SNX20: variants seen among roughly 807,000 people sequenced by gnomAD.
SNX20 encodes sorting nexin-20.
Under a neutral mutation model 24.5 loss-of-function variants are expected in SNX20, and 21 were observed. The ratio of observed to expected loss-of-function variants is 0.86; its 90% CI spans 0.61 to 1.23. The LOEUF is 1.23. Ranked by LOEUF, SNX20 falls within the 50% of genes most tolerant of loss-of-function variation. The pLI is 0.00. For synonymous variants in SNX20, 206 were observed against 192.8 expected (o/e 1.07, Z -0.57); for missense variants, 433 against 430.8 (o/e 1.00, Z -0.04).
intron 1 of SNX20, among the ~76,000 whole-genome samples, chr16:50,679,888 C>T (rs1963260516): frequency 6.6e-6 from 1 of 152,198 alleles, no homozygotes; most frequent in African/African-American, 2.4e-5. Flanking sequence ...GCCTTGGCCT[C>T]AGGGGCCCCA....
Position 50,671,916 on chromosome 16 carries a change from G to T in SNX20, c.*1490C>A, listed in dbSNP as rs1963058773. 6.6e-6 allele frequency: 1 copy of T among 152,232 alleles called. No homozygotes were observed. Among genetic ancestry groups the T allele is most frequent in the African/African-American group, 2.4e-5 (1 of 41,458 alleles). The allele number at this position is 152,232 out of a possible 1,614,324, so 9.4% of individuals were successfully genotyped here. The stretch of plus-strand genomic sequence containing the variant: ...TCCACTTCTAGAGTGATCACTTGCT[G>T]GGCCAAGTTCCTCTCCTTAAGTGGT... On this transcript the variant is annotated 3_prime_UTR_variant, in exon 4 of 4. Transcript: ENST00000330943.
chr16:50,676,549 A>G (rs917182594), intron 2 of SNX20, among the ~76,000 whole-genome samples: 1 of 152,212 alleles, frequency 6.6e-6, no homozygotes. Flanking sequence ...CTTAAGAAGC[A>G]CAAATAATTG....
chr16:50,674,782 G>A (rs79850758), intron 3 of SNX20, among the ~76,000 whole-genome samples: 2,408 of 152,244 alleles, frequency 0.016, 54 homozygotes, highest in African/African-American at 0.055. Flanking sequence ...CATCATTTAG[G>A]TACACTGGTG....
chr16:50,666,757 A>G (rs1354943454), downstream of SNX20: 1 of 152,442 alleles, frequency 6.6e-6, no homozygotes, highest in Non-Finnish European at 1.5e-5. Flanking sequence ...GCTCCTCAGG[A>G]AAGGACACGT....
intron 2 of SNX20, among the ~76,000 whole-genome samples, chr16:50,676,497 T>G (rs1467582437): frequency 6.6e-6 from 1 of 152,140 alleles, no homozygotes; most frequent in Non-Finnish European, 1.5e-5. Flanking sequence ...ACGAACACAG[T>G]GTTTCTTAAA....
chr16:50,676,905 T>G (rs958899963), intron 2 of SNX20, among the ~76,000 whole-genome samples: 1 of 152,232 alleles, frequency 6.6e-6, no homozygotes, highest in Admixed American at 6.5e-5. Context: ...GCAGATGCTG[T>G]CCATGCCCCA....
In SNX20 at chr16:50,673,843, G is replaced by A. The variant is rs562563894; in HGVS notation, c.514C>T (p.Arg172Cys). 6.2e-7 allele frequency: 1 copy of A among 1,601,618 alleles called. No homozygotes were observed. The highest frequency in any genetic ancestry group is 8.5e-7 in the Non-Finnish European group (1 of 1,178,292). ...QEYLGLLYAI[R>C]CVRRSREFLD... ...AACTCCCGGGAGCGGCGCACGCAGCGGATGGCGTAGAGCAGGCCCAGGTAC... is the reference window on the plus strand; with the variant it reads ...AACTCCCGGGAGCGGCGCACGCAGCAGATGGCGTAGAGCAGGCCCAGGTAC... The change falls in exon 4 of 4, where the codon CGC becomes TGC. Residue 172 changes from arginine to cysteine, a missense_variant. Transcript: ENST00000330943. This position sits in a 1 kb window ranked among gnomAD's most constrained non-coding sequence, Gnocchi z 4.1.
chr16:50,678,771 C>T (rs1161129989), intron 1 of SNX20, among the ~76,000 whole-genome samples: 3 of 152,168 alleles, frequency 2.0e-5, no homozygotes, highest in Non-Finnish European at 4.4e-5. Flanking sequence ...TGGCAAGTGA[C>T]TCAACTTCTC....
chr16:50,676,691 A>G (rs1963189361), intron 2 of SNX20, among the ~76,000 whole-genome samples: 1 of 152,012 alleles, frequency 6.6e-6, no homozygotes, highest in Non-Finnish European at 1.5e-5. Flanking sequence ...CAGGTTTTTC[A>G]TTTTATTTAT....
At chr16:50,677,229 C>G (rs193052717) in intron 2 of SNX20, among the ~76,000 whole-genome samples, 168 bp downstream of exon 2, 1 of 152,204 alleles carries the variant, frequency 6.6e-6, no homozygotes, top group Non-Finnish European at 1.5e-5. Context: ...AGGACCGTCT[C>G]CCGGATAAAC....
chr16:50,673,433 CT>C lies in SNX20; in HGVS notation c.923del (p.Glu308GlyfsTer46). 5 of 1,572,898 alleles carry C rather than the reference CT, an allele frequency of 3.2e-6. No homozygotes were observed. Among genetic ancestry groups the C allele is most frequent in the Non-Finnish European group, 4.3e-6 (5 of 1,159,904 alleles). On this transcript the variant is annotated frameshift_variant, in exon 4 of 4. Transcript: ENST00000330943. LOFTEE classifies it high-confidence loss of function. The surrounding 1 kb of genome is among the most constrained non-coding windows in gnomAD (Gnocchi z 4.1). ...RPTPRGITLK[E>X]LTVREYLH ...AGTGCAGGTATTCTCGCACAGTGAG[CT>C]CCTTCAGGGTGATGCCTCGGGGCGT...
chr16:50,676,529 C>T lies in SNX20; in HGVS notation c.131-608G>A, dbSNP rs140301784. Among the ~76,000 whole-genome samples the T allele has an allele frequency of 3.1e-3, 476 of 152,320 alleles. 3 individuals carry two copies. The highest frequency in any genetic ancestry group is 0.01 in the African/African-American group (418 of 41,568). ...TAAACCCCACTTGAGCCCTGCGCCA[C>T]TCTGAGGTTCTTAAGAAGCACAAAT... is the stretch of plus-strand genomic sequence containing the variant. On this transcript the variant is annotated intron_variant, in intron 2 of 3. Transcript: ENST00000330943.
At chr16:50,674,478 G>A (rs544025301) in intron 3 of SNX20, among the ~76,000 whole-genome samples, 1 of 152,104 alleles carries the variant, frequency 6.6e-6, no homozygotes, top group African/African-American at 2.4e-5. Flanking sequence ...CAACTCCTGG[G>A]CTCAAGCGAT....
At chr16:50,680,722 C>T (rs942073455) in intron 1 of SNX20, among the ~76,000 whole-genome samples, 11 of 152,156 alleles carry the variant, frequency 7.2e-5, no homozygotes, top group Non-Finnish European at 1.6e-4. Flanking sequence ...ACCTGAGAAG[C>T]CTTGCCAAAG....
chr16:50,677,275 G>A, intron 2 of SNX20, 122 bp downstream of exon 2: 3 of 1,294,032 alleles, frequency 2.3e-6, no homozygotes, highest in African/African-American at 1.5e-5. Flanking sequence ...TGTCTGTTTT[G>A]GGATAACCCA....
At chr16:50,678,784 T>C (rs1963236399) in intron 1 of SNX20, among the ~76,000 whole-genome samples, 1 of 152,242 alleles carries the variant, frequency 6.6e-6, no homozygotes, top group Admixed American at 6.5e-5. Context: ...AACTTCTCTG[T>C]GCTTCTGTTT....
At chr16:50,677,569 C>T (rs377329365) in intron 1 of SNX20, 34 bp from the exon 2 acceptor site, 130 of 1,471,136 alleles carry the variant, frequency 8.8e-5, no homozygotes, top group Admixed American at 2.2e-4. Flanking sequence ...TGAGGACCCA[C>T]TCCAGTTGGG....
chr16:50,669,121 T>A, downstream of SNX20: 1 of 1,479,290 alleles, frequency 6.8e-7, no homozygotes, highest in Non-Finnish European at 9.3e-7. Flanking sequence ...CCTGGATAAG[T>A]CATCTCTCCA....
rs762464935 is a variant in SNX20, at chr16:50,673,642, C to A, written c.715G>T (p.Asp239Tyr). Reference sequence around the variant, plus strand: ...AAGGCCTCGGCGGGGCGGTCGAGGTCGCGGTGGCACAGCAGCACGGCGCAC... The same window carrying A: ...AAGGCCTCGGCGGGGCGGTCGAGGTAGCGGTGGCACAGCAGCACGGCGCAC... ...ALCAVLLCHRDLDRPAEAFAA... is the reference protein window; with the variant it reads ...ALCAVLLCHRYLDRPAEAFAA... Residue 239 changes from aspartate (D) to tyrosine (Y), a missense_variant, in exon 4 of 4, where the codon GAC (aspartate) becomes TAC (tyrosine). Physicochemically the swap from Asp to Tyr is radical, Grantham distance 160. Transcript: ENST00000330943. The surrounding 1 kb of genome is among the most constrained non-coding windows in gnomAD (Gnocchi z 4.1). 12 of 1,530,820 alleles carry A rather than the reference C, an allele frequency of 7.8e-6. No homozygotes were observed. In the African/African-American group the frequency reaches 1.0e-4, roughly 13 times the overall value. 94.8% of individuals were successfully genotyped at this position (1,530,820 alleles called of 1,614,324 possible).
Sources: gnomAD v4.1 joint callset for allele counts (sites outside exome capture counted in the v4.1 genomes callset) on GRCh38, gnomAD v4.1.1 for gene constraint, Gnocchi (gnomAD v3.1) non-coding constraint, MANE v1.5 for transcripts, NCBI Gene and HGNC (gene_info 2026-07-23, HGNC 2026-07-21) for gene names.